The following CACNA2D3 variants were observed in gnomAD, a reference collection of about 807,000 sequenced individuals.
CACNA2D3 encodes the protein calcium voltage-gated channel auxiliary subunit alpha2delta 3, also known as voltage-dependent calcium channel subunit alpha-2/delta-3.
In CACNA2D3, 60 loss-of-function variants were observed where a neutral mutation model predicts 160.6. The ratio of observed to expected loss-of-function variants is 0.37; its 90% CI spans 0.30 to 0.46. The LOEUF is 0.46. Ranked by LOEUF, CACNA2D3 falls within the 20% of genes least tolerant of loss-of-function variation. CACNA2D3 has a pLI of 1.00. For synonymous variants in CACNA2D3, 558 were observed against 492.9 expected (o/e 1.13, Z -1.75); for missense variants, 1,205 against 1,365.0 (o/e 0.88, Z 1.85).
intron 21 of CACNA2D3, 128 bp from the exon 22 acceptor site, chr3:54,885,153 A>G (rs1699892454): frequency 1.2e-6 from 1 of 824,188 alleles, no homozygotes; most frequent in Non-Finnish European, 2.0e-6. Context: ...CTGCTGCTCC[A>G]AGGCAGGTCC....
chr3:54,947,218 G>T (rs1575399095), intron 27 of CACNA2D3, among the ~76,000 whole-genome samples: 1 of 152,270 alleles, frequency 6.6e-6, no homozygotes, highest in East Asian at 1.9e-4. Flanking sequence ...TCCACAGCTG[G>T]TAAGTGGGAT....
chr3:54,687,016 A>C (rs1700459059), intron 11 of CACNA2D3, among the ~76,000 whole-genome samples: 1 of 151,938 alleles, frequency 6.6e-6, no homozygotes, highest in South Asian at 2.1e-4. Context: ...ATCAAGAAAA[A>C]TTTGGAAGCT....
chr3:54,700,091 G>A (rs1700740121), intron 11 of CACNA2D3, among the ~76,000 whole-genome samples: 1 of 152,166 alleles, frequency 6.6e-6, no homozygotes. Context: ...CCTAGTCATA[G>A]CCCCTGGCTA....
chr3:54,784,638 G>A (rs1200166321), intron 13 of CACNA2D3, among the ~76,000 whole-genome samples: 1 of 152,114 alleles, frequency 6.6e-6, no homozygotes, highest in Non-Finnish European at 1.5e-5. Flanking sequence ...GATGTGAAAG[G>A]TGTAGGGAGT....
In CACNA2D3 at chr3:54,288,111, T is replaced by C. The variant is rs534943253; in HGVS notation, c.205-32331T>C. On this transcript the variant is annotated intron_variant, in intron 2 of 37. Coordinates refer to ENST00000474759, the MANE Select transcript of CACNA2D3 (RefSeq NM_018398.3). ...AGGAAATAGAGACCCAAAAAACCCT[T>C]CAAAAAATTAATGAATCCAGGAGCT... Among the ~76,000 whole-genome samples, 586 of 151,870 alleles carry C rather than the reference T, an allele frequency of 3.9e-3. 7 individuals are homozygous for C. Among genetic ancestry groups the C allele is most frequent in the African/African-American group, 0.014 (563 of 41,422 alleles).
chr3:54,345,102 C>A (rs1367128557), intron 3 of CACNA2D3, among the ~76,000 whole-genome samples: 1 of 152,190 alleles, frequency 6.6e-6, no homozygotes, highest in East Asian at 1.9e-4. Context: ...AAGAAATAAC[C>A]ATAAAAATGC....
At chr3:54,747,051 A>C (rs1184913322) in intron 11 of CACNA2D3, among the ~76,000 whole-genome samples, 2 of 152,066 alleles carry the variant, frequency 1.3e-5, no homozygotes, top group Non-Finnish European at 2.9e-5. Flanking sequence ...TTTTGCCTCA[A>C]TCTTTAGTAA....
intron 16 of CACNA2D3, among the ~76,000 whole-genome samples, chr3:54,839,314 C>T (rs1457870532): frequency 6.6e-6 from 1 of 152,102 alleles, no homozygotes; most frequent in Non-Finnish European, 1.5e-5. Context: ...GAAAACTCTC[C>T]TATTTCCTGG....
intron 27 of CACNA2D3, among the ~76,000 whole-genome samples, chr3:54,939,157 A>C (rs1701397923): frequency 6.6e-6 from 1 of 152,208 alleles, no homozygotes; most frequent in Non-Finnish European, 1.5e-5. Context: ...GGCTGAATCC[A>C]ACATCTGAAA....
At chr3:54,759,269 CA>C (rs1236038064) in intron 12 of CACNA2D3, among the ~76,000 whole-genome samples, 4 of 151,416 alleles carry the variant, frequency 2.6e-5, no homozygotes, top group Admixed American at 2.6e-4. Flanking sequence ...ATATGAGGTC[CA>C]AAAAAGCACA....
chr3:54,686,160 G>A (rs957128334), intron 11 of CACNA2D3, among the ~76,000 whole-genome samples: 5 of 152,200 alleles, frequency 3.3e-5, no homozygotes, highest in African/African-American at 7.2e-5. Context: ...CTGGCCTGCT[G>A]CCTATTGATA....
intron 4 of CACNA2D3, among the ~76,000 whole-genome samples, chr3:54,418,481 G>C (rs1424396880): frequency 6.6e-6 from 1 of 151,560 alleles, no homozygotes; most frequent in African/African-American, 2.4e-5. Context: ...CAAGAAGAAT[G>C]ATGAGCCACA....
intron 3 of CACNA2D3, among the ~76,000 whole-genome samples, chr3:54,340,536 T>A (rs1383064294): frequency 6.6e-6 from 1 of 152,224 alleles, no homozygotes; most frequent in African/African-American, 2.4e-5. Context: ...TCTTCCAGTA[T>A]TTCAAAAGAA....
At chr3:54,951,842 A>G (rs374067309) in intron 27 of CACNA2D3, among the ~76,000 whole-genome samples, 9 of 152,090 alleles carry the variant, frequency 5.9e-5, no homozygotes, top group East Asian at 1.9e-4. Context: ...AGGACCAGCC[A>G]TGCTTGTTAT....
intron 30 of CACNA2D3, among the ~76,000 whole-genome samples, chr3:54,986,941 ATTC>A (rs1243422960): frequency 6.6e-6 from 1 of 152,194 alleles, no homozygotes; most frequent in Non-Finnish European, 1.5e-5. Context: ...GAGGATGTTA[ATTC>A]TTCATTCCAC....
rs148448497 is a variant in CACNA2D3, at chr3:55,014,262, TTAA to T, written c.2876-3942_2876-3940del. Among the ~76,000 whole-genome samples, 1,306 of 152,112 alleles carry T rather than the reference TTAA, an allele frequency of 8.6e-3. 18 individuals are homozygous for T. The highest frequency in any genetic ancestry group is 0.03 in the African/African-American group (1,246 of 41,496). On this transcript the variant is annotated intron_variant, in intron 34 of 37. Transcript: ENST00000474759. ...AGGTGGTGGTGGTTTACTGTGTGAG[TTAA>T]TGATGATTGTGATGAGTCACTCTCT...
At chr3:54,872,088 C>G (rs534136524) in intron 18 of CACNA2D3, among the ~76,000 whole-genome samples, 1 of 152,186 alleles carries the variant, frequency 6.6e-6, no homozygotes, top group Non-Finnish European at 1.5e-5. Flanking sequence ...CAGCCCAGGG[C>G]TCTGCAGGCT....
At chr3:54,292,513 G>A (rs1472799495) in intron 2 of CACNA2D3, among the ~76,000 whole-genome samples, 1 of 151,796 alleles carries the variant, frequency 6.6e-6, no homozygotes, top group African/African-American at 2.4e-5. Flanking sequence ...ATGAACAAAG[G>A]TTCTGAATAA....
chr3:54,684,298 TCAGGGACCA>T (rs1402541146), intron 11 of CACNA2D3, among the ~76,000 whole-genome samples: 12 of 152,262 alleles, frequency 7.9e-5, no homozygotes, highest in African/African-American at 2.9e-4. Context: ...AGTCATTTGA[TCAGGGACCA>T]CCTAACCCAA....
Sources: gnomAD v4.1 joint callset for allele counts (sites outside exome capture counted in the v4.1 genomes callset) on GRCh38, gnomAD v4.1.1 for gene constraint, MANE v1.5 for transcripts, NCBI Gene and HGNC (gene_info 2026-07-23, HGNC 2026-07-21) for gene names.